NKAIN2: variants seen among roughly 807,000 people sequenced by gnomAD.
NKAIN2 encodes the protein sodium/potassium transporting ATPase interacting 2, also known as sodium/potassium-transporting ATPase subunit beta-1-interacting protein 2.
Under a neutral mutation model 32.6 loss-of-function variants are expected in NKAIN2, and 14 were observed. The ratio of observed to expected loss-of-function variants is 0.43; its 90% CI spans 0.28 to 0.67. The LOEUF is 0.67. Ranked by LOEUF, NKAIN2 falls within the 30% of genes least tolerant of loss-of-function variation. The pLI, the probability that NKAIN2 is intolerant of heterozygous loss-of-function variation, is 0.17. For missense variants in NKAIN2, 198 were observed against 258.3 expected (o/e 0.77, Z 1.60); for synonymous variants, 80 against 87.2 (o/e 0.92, Z 0.46).
chr6:124,258,174 G>A (rs549389709), intron 1 of NKAIN2, among the ~76,000 whole-genome samples: 2 of 152,102 alleles, frequency 1.3e-5, no homozygotes, highest in South Asian at 4.2e-4. Context: ...TATAGACAGA[G>A]GAATTAAATT....
intron 3 of NKAIN2, among the ~76,000 whole-genome samples, chr6:124,362,163 A>G (rs1055055440): frequency 6.6e-6 from 1 of 152,058 alleles, no homozygotes; most frequent in African/African-American, 2.4e-5. Flanking sequence ...TATTGGGTTC[A>G]TTTTTTAAAT....
intron 1 of NKAIN2, among the ~76,000 whole-genome samples, chr6:124,184,562 G>A (rs1484658325): frequency 2.0e-5 from 3 of 152,034 alleles, no homozygotes; most frequent in Non-Finnish European, 1.5e-5. Flanking sequence ...CTCACTATCT[G>A]TACTCTCTGA....
chr6:123,926,007 T>C (rs1775986611), intron 1 of NKAIN2, among the ~76,000 whole-genome samples: 1 of 152,202 alleles, frequency 6.6e-6, no homozygotes, highest in Non-Finnish European at 1.5e-5. Context: ...TGGTGCCTTC[T>C]CACTGTGTCC....
At chr6:123,995,707 A>C (rs1769517988) in intron 1 of NKAIN2, among the ~76,000 whole-genome samples, 1 of 152,186 alleles carries the variant, frequency 6.6e-6, no homozygotes, top group African/African-American at 2.4e-5. Flanking sequence ...CATTGGTAAC[A>C]TTTTTGTAAA....
intron 1 of NKAIN2, among the ~76,000 whole-genome samples, chr6:123,957,588 G>T (rs990134635): frequency 3.9e-5 from 6 of 152,162 alleles, no homozygotes; most frequent in Non-Finnish European, 7.4e-5. Flanking sequence ...TATTTTCAAG[G>T]TTCTTCAACT....
At chr6:124,624,847 G>A (rs561006042) in intron 3 of NKAIN2, among the ~76,000 whole-genome samples, 81 of 151,742 alleles carry the variant, frequency 5.3e-4, no homozygotes, top group Non-Finnish European at 1.1e-3. Flanking sequence ...TTGAGCAAAT[G>A]GTTATAAGTT....
intron 1 of NKAIN2, among the ~76,000 whole-genome samples, chr6:124,181,548 A>G (rs984374875): frequency 2.0e-5 from 3 of 152,172 alleles, no homozygotes; most frequent in Non-Finnish European, 4.4e-5. Flanking sequence ...CTGTGAATAA[A>G]TAAAATGGAA....
intron 1 of NKAIN2, among the ~76,000 whole-genome samples, chr6:124,179,889 A>T (rs1353158066): frequency 6.6e-6 from 1 of 152,210 alleles, no homozygotes; most frequent in Non-Finnish European, 1.5e-5. Flanking sequence ...AACTATGTCT[A>T]ATTTTGGCAG....
chr6:124,507,014 G>A (rs1398580633), intron 3 of NKAIN2, among the ~76,000 whole-genome samples: 1 of 152,224 alleles, frequency 6.6e-6, no homozygotes, highest in East Asian at 1.9e-4. Flanking sequence ...TAAAGTCTAA[G>A]AAGCTCTAGT....
chr6:124,260,005 T>G (rs1228566405), intron 1 of NKAIN2, among the ~76,000 whole-genome samples: 1 of 152,188 alleles, frequency 6.6e-6, no homozygotes, highest in African/African-American at 2.4e-5. Flanking sequence ...TTGAAGATAA[T>G]GAACTCAATG....
intron 1 of NKAIN2, among the ~76,000 whole-genome samples, chr6:124,130,418 CT>C (rs1023348721): frequency 6.6e-6 from 1 of 152,090 alleles, no homozygotes; most frequent in African/African-American, 2.4e-5. Flanking sequence ...ACATCTGCCC[CT>C]AATTAATGTT....
chr6:124,217,059 A>G (rs890772885), intron 1 of NKAIN2, among the ~76,000 whole-genome samples: 1 of 152,202 alleles, frequency 6.6e-6, no homozygotes, highest in African/African-American at 2.4e-5. Context: ...AGTTTGCCAC[A>G]TAGCCATACT....
chr6:124,468,236 A>T (rs938507261), intron 3 of NKAIN2, among the ~76,000 whole-genome samples: 2 of 152,172 alleles, frequency 1.3e-5, no homozygotes, highest in African/African-American at 4.8e-5. Flanking sequence ...TTTCAAGATA[A>T]GTTAGACCAG....
intron 3 of NKAIN2, among the ~76,000 whole-genome samples, chr6:124,586,684 T>G (rs1781723231): frequency 6.6e-6 from 1 of 151,796 alleles, no homozygotes. Flanking sequence ...GCAATTCCAC[T>G]CCTAGATATT....
intron 1 of NKAIN2, among the ~76,000 whole-genome samples, chr6:124,257,973 G>T (rs765627027): frequency 6.6e-6 from 1 of 151,722 alleles, no homozygotes; most frequent in East Asian, 1.9e-4. Context: ...TAGAGACGGG[G>T]TTTCACCATG....
intron 4 of NKAIN2, among the ~76,000 whole-genome samples, chr6:124,786,814 T>G (rs1779523978): frequency 6.6e-6 from 1 of 152,186 alleles, no homozygotes; most frequent in South Asian, 2.1e-4. Context: ...CTTCCATTAT[T>G]ATTCTAAGCA....
chr6:124,293,276 T>C (rs987747954), intron 2 of NKAIN2, among the ~76,000 whole-genome samples: 4 of 152,130 alleles, frequency 2.6e-5, no homozygotes, highest in South Asian at 2.1e-4. Flanking sequence ...AATTTAACTT[T>C]CCATTACTAG....
chr6:124,203,465 A>T (rs1261400901), intron 1 of NKAIN2, among the ~76,000 whole-genome samples: 12 of 152,028 alleles, frequency 7.9e-5, no homozygotes, highest in Non-Finnish European at 1.5e-4. Flanking sequence ...TCTCAAGTGA[A>T]ATTCAAACTA....
At chr6:124,049,074 T>C (rs1484875299) in intron 1 of NKAIN2, among the ~76,000 whole-genome samples, 1 of 152,062 alleles carries the variant, frequency 6.6e-6, no homozygotes, top group Non-Finnish European at 1.5e-5. Flanking sequence ...ATAGTCAACA[T>C]TGATTTCTAT....
Sources: allele counts gnomAD v4.1 joint callset (sites outside exome capture counted in the v4.1 genomes callset), GRCh38; gene constraint gnomAD v4.1.1; transcripts MANE v1.5; gene names NCBI Gene and HGNC (gene_info 2026-07-23, HGNC 2026-07-21).